Variants in DYSF observed in about 807,000 individuals in gnomAD.
The protein encoded by DYSF is dystrophy-associated fer-1-like 1.
Under a neutral mutation model 274.9 loss-of-function variants are expected in DYSF, and 212 were observed. The observed-to-expected ratio is 0.77, with a 90% CI of 0.69 to 0.86. The LOEUF (loss-of-function observed/expected upper bound fraction) is 0.86. Ranked by LOEUF, DYSF falls within the 40% of genes least tolerant of loss-of-function variation. DYSF has a pLI of 0.00. For missense variants in DYSF, 2,666 were observed against 2,783.2 expected (o/e 0.96, Z 0.95); for synonymous variants, 1,091 against 1,078.7 (o/e 1.01, Z -0.22).
chr2:71,454,890 G>T (rs1378001383), intron 1 of DYSF, among the ~76,000 whole-genome samples: 1 of 131,654 alleles, frequency 7.6e-6, no homozygotes, highest in Non-Finnish European at 1.7e-5. Context: ...CCAAGCCAGA[G>T]CTAGGATCTA....
intron 3 of DYSF, among the ~76,000 whole-genome samples, chr2:71,487,479 G>T (rs1264677879): frequency 1.3e-5 from 2 of 152,186 alleles, no homozygotes; most frequent in Admixed American, 1.3e-4. Flanking sequence ...GCAGGGTAGA[G>T]AACTCACTGT....
chr2:71,680,978 C>G, intron 53 of DYSF, 23 bp from the exon 54 acceptor site: 1 of 1,611,502 alleles, frequency 6.2e-7, no homozygotes, highest in Non-Finnish European at 8.5e-7. Flanking sequence ...GTGCCCCTAA[C>G]CAAGTGCTCT....
At chr2:71,550,906 ACT>A in intron 17 of DYSF, 133 bp from the exon 18 acceptor site, 1 of 735,124 alleles carries the variant, frequency 1.4e-6, no homozygotes, top group Non-Finnish European at 2.5e-6. Flanking sequence ...TTCTTTATAC[ACT>A]GACAGGAGCT....
chr2:71,474,890 G>A (rs2082289269), intron 1 of DYSF, among the ~76,000 whole-genome samples: 1 of 152,188 alleles, frequency 6.6e-6, no homozygotes, highest in Non-Finnish European at 1.5e-5. Context: ...GCTGCAGATG[G>A]AATTTTCCAT....
rs752307924 is a variant in DYSF, at chr2:71,665,149, G to C, written c.5175-13G>C. The C allele has an allele frequency of 6.2e-7, 1 of 1,613,264 alleles. No homozygotes were observed. Among genetic ancestry groups the C allele is most frequent in the African/African-American group, 1.3e-5 (1 of 74,888 alleles). On this transcript the variant is annotated splice_polypyrimidine_tract_variant and intron_variant, in intron 46 of 55. Coordinates refer to ENST00000410020, the MANE Select transcript of DYSF (RefSeq NM_001130987.2). The stretch of plus-strand genomic sequence containing the variant: ...TTGAAGCATCTCATCTATGTCTTGT[G>C]CTTGCTCCTCAGCTCTGGACCGAAC...
chr2:71,479,615 G>T (rs963932692), intron 1 of DYSF, among the ~76,000 whole-genome samples: 1 of 152,188 alleles, frequency 6.6e-6, no homozygotes, highest in African/African-American at 2.4e-5. Flanking sequence ...GGGTCTCCTT[G>T]TGCGTCTCCT....
chr2:71,592,573 G>A (rs920498751), intron 32 of DYSF, among the ~76,000 whole-genome samples: 11 of 152,234 alleles, frequency 7.2e-5, no homozygotes, highest in South Asian at 2.1e-4. Flanking sequence ...CATGGCCACC[G>A]GCTGGCATTT....
chr2:71,675,564 C>T (rs749895236), intron 52 of DYSF, among the ~76,000 whole-genome samples: 3 of 152,182 alleles, frequency 2.0e-5, no homozygotes, highest in Admixed American at 6.5e-5. Context: ...CCCCGCCCTG[C>T]GCACCTGGCC....
rs533016569 is a variant in DYSF, at chr2:71,565,892, C to G, written c.2565+1679C>G. Among the ~76,000 whole-genome samples, 5 of 152,358 alleles carry G rather than the reference C, an allele frequency of 3.3e-5. No individual in the cohort carries two copies. The East Asian group carries it at 7.7e-4, about 24-fold the overall frequency. On this transcript the variant is annotated intron_variant, in intron 24 of 55. Coordinates refer to ENST00000410020, the MANE Select transcript of DYSF (RefSeq NM_001130987.2). Reference sequence around the variant, plus strand: ...GTTAGTTTCTCTCCCCACCTCTCCCCTTTTCCTTTTGGGGAGCTCCCCTGC... The same window carrying G: ...GTTAGTTTCTCTCCCCACCTCTCCCGTTTTCCTTTTGGGGAGCTCCCCTGC...
At chr2:71,511,722 G>A (rs2086112693) in intron 4 of DYSF, 85 bp from the exon 5 acceptor site, 2 of 890,842 alleles carry the variant, frequency 2.2e-6, no homozygotes. Flanking sequence ...CCTTGGTGGA[G>A]GGATGCCAGA....
chr2:71,686,306 T>A (rs1186792176), intron 55 of DYSF, 148 bp from the exon 56 acceptor site: 1 of 936,544 alleles, frequency 1.1e-6, no homozygotes, highest in East Asian at 2.4e-5. Flanking sequence ...CGTGGGCAGG[T>A]GGTTGAAGAG....
chr2:71,549,256 G>A (rs2090743964), intron 17 of DYSF: 2 of 1,259,062 alleles, frequency 1.6e-6, no homozygotes, highest in South Asian at 1.3e-5. Flanking sequence ...CCATCTGTCT[G>A]CCTGCCAGCT....
Position 71,574,215 on chromosome 2 carries a change from G to GGAGGCA in DYSF, c.3250_3251insCAGAGG (p.Ala1082_Glu1083dup). ...TTGTGCAGCACAGGCAGGCGGAGGC[G>GGAGGCA]GAGGGCGAGGGCTGGGAGTACGCCT... On this transcript the variant is annotated inframe_insertion, in exon 30 of 56. Transcript: ENST00000410020. The GGAGGCA allele has an allele frequency of 6.2e-7, 1 of 1,613,552 alleles. No homozygotes were observed. The highest frequency in any genetic ancestry group is 8.5e-7 in the Non-Finnish European group (1 of 1,180,044).
At chr2:71,537,500 C>A (rs549385743) in intron 16 of DYSF, among the ~76,000 whole-genome samples, 56 of 152,226 alleles carry the variant, frequency 3.7e-4, no homozygotes, top group South Asian at 1.0e-3. Flanking sequence ...TCTGCCTTGG[C>A]CTCCCAAAGT....
chr2:71,643,331 A>G (rs2094516551), intron 41 of DYSF, among the ~76,000 whole-genome samples: 1 of 152,206 alleles, frequency 6.6e-6, no homozygotes, highest in Non-Finnish European at 1.5e-5. Flanking sequence ...GTGCTGTCAC[A>G]TACTTCCTTT....
chr2:71,639,290 A>C (rs981117388), intron 41 of DYSF, among the ~76,000 whole-genome samples: 1 of 151,714 alleles, frequency 6.6e-6, no homozygotes, highest in Non-Finnish European at 1.5e-5. Context: ...TTTTCACTTT[A>C]TTGGTAGTGT....
chr2:71,595,651 C>T (rs748595521), intron 32 of DYSF, among the ~76,000 whole-genome samples: 6 of 152,204 alleles, frequency 3.9e-5, no homozygotes, highest in Non-Finnish European at 7.3e-5. Flanking sequence ...TGCCTGAGGC[C>T]TGGTGATAGG....
intron 55 of DYSF, among the ~76,000 whole-genome samples, chr2:71,684,604 C>T (rs1048013642): frequency 9.2e-5 from 14 of 152,134 alleles, no homozygotes; most frequent in East Asian, 5.8e-4. Flanking sequence ...AGGCTCAGGC[C>T]GTGGGAGTTT....
At chr2:71,656,016 C>T in intron 42 of DYSF, 146 bp from the exon 43 acceptor site, 1 of 1,136,950 alleles carries the variant, frequency 8.8e-7, no homozygotes, top group Non-Finnish European at 1.3e-6. Context: ...GTCACTTTCC[C>T]TCCTTTTCTT....
Sources: gnomAD v4.1 joint callset for allele counts (sites outside exome capture counted in the v4.1 genomes callset) on GRCh38, gnomAD v4.1.1 for gene constraint, MANE v1.5 for transcripts, NCBI Gene and HGNC (gene_info 2026-07-23, HGNC 2026-07-21) for gene names.